NAV3: variants seen among roughly 807,000 people sequenced by gnomAD.
NAV3 encodes the protein neuron navigator 3, also known as pore membrane and/or filament interacting like protein 1.
In NAV3, 87 loss-of-function variants were observed where a neutral mutation model predicts 244.7. The ratio of observed to expected loss-of-function variants is 0.36; its 90% CI spans 0.30 to 0.42. The LOEUF is 0.42. NAV3 is among the 20% of genes least tolerant of loss of function. NAV3 has a pLI of 1.00. For synonymous variants in NAV3, 1,126 were observed against 1,042.2 expected (o/e 1.08, Z -1.55); for missense variants, 2,663 against 2,893.3 (o/e 0.92, Z 1.83).
chr12:78,020,370 C>A lies in NAV3; in HGVS notation c.1908-1377C>A, dbSNP rs572262481. The stretch of plus-strand genomic sequence containing the variant: ...GCTACTTTGAGGTCTTTTTTTCTGG[C>A]CTTAATGGTATATATCCTATCATTT... On this transcript the variant is annotated intron_variant, in intron 8 of 39. Transcript: ENST00000397909. 9.2e-5 allele frequency among the ~76,000 whole-genome samples: 14 copies of A among 152,054 alleles called. No homozygotes were observed. The East Asian group carries it at 1.2e-3, about 13-fold the overall frequency.
At chr12:78,058,292 G>A (rs1883812415) in intron 11 of NAV3, among the ~76,000 whole-genome samples, 2 of 152,110 alleles carry the variant, frequency 1.3e-5, no homozygotes. Context: ...CAATCATAGT[G>A]GAAAGTCAAG....
intron 2 of NAV3, among the ~76,000 whole-genome samples, chr12:77,755,826 C>G (rs1013801181): frequency 6.6e-6 from 1 of 151,348 alleles, no homozygotes; most frequent in African/African-American, 2.4e-5. Flanking sequence ...CTCAACCTGA[C>G]AGGCTCAAGT....
chr12:78,071,021 A>G (rs1952735524), intron 12 of NAV3, among the ~76,000 whole-genome samples: 1 of 150,358 alleles, frequency 6.7e-6, no homozygotes, highest in Non-Finnish European at 1.5e-5. Context: ...ATACGTGTGC[A>G]TGTGTCTTTA....
At chr12:78,059,231 ATAAT>A in intron 12 of NAV3, 116 bp downstream of exon 12, 4 of 928,686 alleles carry the variant, frequency 4.3e-6, no homozygotes, top group Non-Finnish European at 6.0e-6. Flanking sequence ...ATTTTGATAA[ATAAT>A]TATTTTATTT....
At chr12:77,960,742 TATATA>T (rs1891832182) in intron 3 of NAV3, among the ~76,000 whole-genome samples, 1 of 147,524 alleles carries the variant, frequency 6.8e-6, no homozygotes, top group South Asian at 2.1e-4. Flanking sequence ...ATGTATCATG[TATATA>T]ATATATGCAT....
intron 2 of NAV3, among the ~76,000 whole-genome samples, chr12:77,572,688 A>C (rs56262690): frequency 0.024 from 3,608 of 152,292 alleles, 61 homozygotes; most frequent in Non-Finnish European, 0.036. Context: ...CTCTAATTTC[A>C]TATCCTTGGG....
intron 2 of NAV3, among the ~76,000 whole-genome samples, chr12:77,765,882 A>G (rs774697037): frequency 6.6e-6 from 1 of 152,152 alleles, no homozygotes; most frequent in African/African-American, 2.4e-5. Flanking sequence ...ACAAGAAGAA[A>G]AAATATATAA....
chr12:77,994,302 C>A (rs1871964197), intron 5 of NAV3, among the ~76,000 whole-genome samples: 1 of 152,156 alleles, frequency 6.6e-6, no homozygotes, highest in South Asian at 2.1e-4. Context: ...AGACAGAAAC[C>A]AGATTATTTA....
At chr12:78,205,530 A>C (rs183462816) in intron 39 of NAV3, among the ~76,000 whole-genome samples, 1 of 152,076 alleles carries the variant, frequency 6.6e-6, no homozygotes, top group Non-Finnish European at 1.5e-5. Context: ...GAACTAAAAA[A>C]TATTTTGCCT....
At chr12:77,770,908 C>G (rs1018100224) in intron 2 of NAV3, among the ~76,000 whole-genome samples, 2 of 152,054 alleles carry the variant, frequency 1.3e-5, no homozygotes, top group African/African-American at 2.4e-5. Flanking sequence ...CCAAAATTGA[C>G]AAATGGGATC....
intron 2 of NAV3, among the ~76,000 whole-genome samples, chr12:77,739,371 A>C (rs1350000107): frequency 6.6e-6 from 1 of 152,096 alleles, no homozygotes; most frequent in African/African-American, 2.4e-5. Context: ...TTTCTGGGTT[A>C]TGTATCCTTT....
chr12:77,923,955 C>T (rs1273057716), intron 1 of NAV3, among the ~76,000 whole-genome samples: 2 of 152,168 alleles, frequency 1.3e-5, no homozygotes, highest in East Asian at 1.9e-4. Flanking sequence ...TTTTAGCTCT[C>T]TATAGGAGTT....
chr12:78,019,813 G>T (rs915899759), intron 8 of NAV3, among the ~76,000 whole-genome samples: 1 of 152,042 alleles, frequency 6.6e-6, no homozygotes, highest in South Asian at 2.1e-4. Flanking sequence ...TGTAAGTTCC[G>T]TAAAGTTTTC....
intron 12 of NAV3, among the ~76,000 whole-genome samples, chr12:78,060,407 C>T (rs922100811): frequency 6.6e-6 from 1 of 151,900 alleles, no homozygotes; most frequent in South Asian, 2.1e-4. Flanking sequence ...TCTCAGCTCC[C>T]ACCCTGTCTG....
intron 2 of NAV3, among the ~76,000 whole-genome samples, chr12:77,640,727 A>C (rs2136951630): frequency 6.6e-6 from 1 of 152,268 alleles, no homozygotes; most frequent in East Asian, 1.9e-4. Context: ...TAGCTATGAA[A>C]GGTTATAGAT....
intron 17 of NAV3, among the ~76,000 whole-genome samples, chr12:78,127,547 G>A (rs1318033966): frequency 6.6e-6 from 1 of 152,178 alleles, no homozygotes; most frequent in Non-Finnish European, 1.5e-5. Flanking sequence ...AACTTTGGTA[G>A]AATGCAGAAC....
rs145465485 is a variant in NAV3, at chr12:77,862,243, T to G, written c.243+30539T>G. On this transcript the variant is annotated intron_variant, in intron 1 of 39. Coordinates refer to ENST00000397909, the MANE Select transcript of NAV3 (RefSeq NM_001024383.2). ...ATATCATTAAAATAATGGTTTTTAA[T>G]GTTTTTAAGTTAAATATATAGAAGA... Among the ~76,000 whole-genome samples, 47 of 151,918 alleles carry G rather than the reference T, an allele frequency of 3.1e-4. No individual in the cohort carries two copies. The East Asian group carries it at 7.7e-3, about 25-fold the overall frequency.
chr12:78,163,073 A>C (rs1004641696), intron 23 of NAV3, among the ~76,000 whole-genome samples: 5 of 151,046 alleles, frequency 3.3e-5, no homozygotes, highest in Non-Finnish European at 4.4e-5. Context: ...TAAAACACAA[A>C]GTAACAAAGG....
At chr12:77,811,552 A>C (rs533768033) in intron 2 of NAV3, among the ~76,000 whole-genome samples, 1 of 152,308 alleles carries the variant, frequency 6.6e-6, no homozygotes, top group Admixed American at 6.5e-5. Flanking sequence ...TTAATCTTCC[A>C]CATTTGTCAG....
Sources: allele counts gnomAD v4.1 joint callset (sites outside exome capture counted in the v4.1 genomes callset), GRCh38; gene constraint gnomAD v4.1.1; transcripts MANE v1.5; gene names NCBI Gene and HGNC (gene_info 2026-07-23, HGNC 2026-07-21).